The following ACSL3 variants were observed in gnomAD, a reference collection of about 807,000 sequenced individuals.
The protein encoded by ACSL3 is acyl-CoA synthetase long chain family member 3.
ACSL3 carries 34 observed loss-of-function variants against 84.7 expected under a neutral mutation model. The observed-to-expected ratio is 0.40, with a 90% CI of 0.31 to 0.53. ACSL3 has a LOEUF of 0.53. Ranked by LOEUF, ACSL3 falls within the 20% of genes least tolerant of loss-of-function variation. The pLI, the probability that ACSL3 is intolerant of heterozygous loss-of-function variation, is 0.48. For synonymous variants in ACSL3, 315 were observed against 299.4 expected (o/e 1.05, Z -0.54); for missense variants, 680 against 873.1 (o/e 0.78, Z 2.79).
chr2:222,888,926 G>C (rs962206472), intron 2 of ACSL3, among the ~76,000 whole-genome samples: 34 of 152,136 alleles, frequency 2.2e-4, no homozygotes, highest in Non-Finnish European at 4.7e-4. Flanking sequence ...GGATATACGT[G>C]ATCAAATTAA....
chr2:222,873,682 TATC>T (rs1239329785), intron 1 of ACSL3, among the ~76,000 whole-genome samples: 3 of 152,360 alleles, frequency 2.0e-5, no homozygotes, highest in Non-Finnish European at 4.4e-5. Context: ...TCATTTATCA[TATC>T]ATGAGCAATT....
At position 222,923,100 on chromosome 2, in the gene ACSL3, G is replaced by A. The variant is rs764633563; in HGVS notation, c.1103G>A (p.Ser368Asn). Reference sequence around the variant, plus strand: ...TAGTCTTCAAAAATTAAAAAAGGAAGCAAAGGGGATACATCCATGTTGAAA... The same window carrying A: ...TAGTCTTCAAAAATTAAAAAAGGAAACAAAGGGGATACATCCATGTTGAAA... The part of the protein sequence containing the change: ...ADQSSKIKKG[S>N]KGDTSMLKPT... Residue 368 changes from serine (S) to asparagine (N), a missense_variant, in exon 10 of 17, where the codon AGC becomes AAC. Physicochemically the swap from Ser to Asn is conservative, Grantham distance 46. Around this residue, in one of 2 missense-constraint regions of ACSL3, gnomAD observed 347 missense variants for 525.7 expected, o/e 0.66. Transcript: ENST00000357430. 3.3e-5 allele frequency: 54 copies of A among 1,613,658 alleles called. No homozygotes were observed. Among genetic ancestry groups the A allele is most frequent in the Non-Finnish European group, 4.4e-5 (52 of 1,179,808 alleles).
Position 222,934,653 on chromosome 2 carries a change from G to A in ACSL3, c.1971G>A (p.Glu657=). ...ELCNSCEMEN[E]VLKVLSEAAI... ...GTAACAGTTGTGAAATGGAAAATGAGGTACTTAAAGTGCTTTCCGAAGCTG... is the reference window on the plus strand; with the variant it reads ...GTAACAGTTGTGAAATGGAAAATGAAGTACTTAAAGTGCTTTCCGAAGCTG... Residue 657 remains glutamate, a synonymous_variant, in exon 16 of 17, where the codon GAG becomes GAA. Coordinates refer to ENST00000357430, the MANE Select transcript of ACSL3 (RefSeq NM_004457.5). The A allele has an allele frequency of 6.2e-7, 1 of 1,608,120 alleles. No individual in the cohort carries two copies. The highest frequency in any genetic ancestry group is 1.1e-5 in the South Asian group (1 of 88,480).
At chr2:222,870,138 C>CT (rs1022922324) in intron 1 of ACSL3, among the ~76,000 whole-genome samples, 16 of 146,508 alleles carry the variant, frequency 1.1e-4, no homozygotes, top group African/African-American at 3.3e-4. Flanking sequence ...TCCTTTCTTG[C>CT]TTTTGGGGGA....
chr2:222,937,941 A>G (rs1454295983), intron 16 of ACSL3, among the ~76,000 whole-genome samples: 3 of 151,162 alleles, frequency 2.0e-5, no homozygotes, highest in African/African-American at 7.3e-5. Flanking sequence ...CTTGTCTTTT[A>G]TCTTTGTGTA....
chr2:222,914,908 A>G (rs939445825), intron 4 of ACSL3, among the ~76,000 whole-genome samples: 1 of 152,218 alleles, frequency 6.6e-6, no homozygotes, highest in African/African-American at 2.4e-5. Flanking sequence ...ATTTCGTTTT[A>G]TATTTTATTT....
intron 1 of ACSL3, among the ~76,000 whole-genome samples, chr2:222,874,735 C>G (rs1302305214): frequency 6.6e-6 from 1 of 151,478 alleles, no homozygotes; most frequent in African/African-American, 2.4e-5. Flanking sequence ...TAATCTAGAC[C>G]TGATTTAAAT....
At position 222,879,619 on chromosome 2, in the gene ACSL3, A is replaced by G. The variant is rs373828161; in HGVS notation, c.-206-8211A>G. Among the ~76,000 whole-genome samples the G allele has an allele frequency of 1.1e-4, 17 of 152,196 alleles. 1 individual carries two copies. The East Asian group carries it at 1.5e-3, about 14-fold the overall frequency. Reference sequence around the variant, plus strand: ...TCTTAGCTGCTTCTGTCTCTCTCCAATTCCATACCCCATTCCAAGTTTTGG... The same window carrying G: ...TCTTAGCTGCTTCTGTCTCTCTCCAGTTCCATACCCCATTCCAAGTTTTGG... On this transcript the variant is annotated intron_variant, in intron 1 of 16. Transcript: ENST00000357430.
At chr2:222,916,988 C>T (rs775567781) in intron 5 of ACSL3, among the ~76,000 whole-genome samples, 1 of 152,072 alleles carries the variant, frequency 6.6e-6, no homozygotes, top group Admixed American at 6.5e-5. Flanking sequence ...TCAGAGGTCT[C>T]GGTGCCAAAA....
At chr2:222,882,715 A>G (rs937530391) in intron 1 of ACSL3, among the ~76,000 whole-genome samples, 1 of 149,800 alleles carries the variant, frequency 6.7e-6, no homozygotes, top group African/African-American at 2.5e-5. Flanking sequence ...CCTTACAGGA[A>G]GGGTGACCAT....
chr2:222,908,410 C>G (rs1696353042), intron 3 of ACSL3, among the ~76,000 whole-genome samples: 1 of 152,182 alleles, frequency 6.6e-6, no homozygotes, highest in African/African-American at 2.4e-5. Flanking sequence ...TGCTAAAGCA[C>G]AGGAAATGGG....
chr2:222,878,360 T>G (rs777951116), intron 1 of ACSL3, among the ~76,000 whole-genome samples: 108 of 152,334 alleles, frequency 7.1e-4, no homozygotes, highest in South Asian at 2.3e-3. Context: ...AATTATGTGA[T>G]TGTGAAGGCA....
chr2:222,921,169 T>G, intron 7 of ACSL3, 111 bp from the exon 8 acceptor site: 1 of 1,250,854 alleles, frequency 8.0e-7, no homozygotes, highest in African/African-American at 1.5e-5. Flanking sequence ...TTGAATTGAG[T>G]TAAATTAACT....
chr2:222,906,554 CTG>C (rs1206235366), intron 3 of ACSL3, among the ~76,000 whole-genome samples: 3 of 151,658 alleles, frequency 2.0e-5, no homozygotes, highest in Non-Finnish European at 4.4e-5. Flanking sequence ...CCCTGGTTCT[CTG>C]TGAAACTTCT....
At chr2:222,880,033 T>C (rs1695551107) in intron 1 of ACSL3, among the ~76,000 whole-genome samples, 1 of 152,224 alleles carries the variant, frequency 6.6e-6, no homozygotes, top group Non-Finnish European at 1.5e-5. Flanking sequence ...AATTTTTCTT[T>C]GATGCTGTGC....
At chr2:222,940,745 A>G (rs1474118791) in intron 16 of ACSL3, among the ~76,000 whole-genome samples, 1 of 152,226 alleles carries the variant, frequency 6.6e-6, no homozygotes, top group East Asian at 1.9e-4. Flanking sequence ...ATGTATATAT[A>G]GTAGGCTATA....
intron 3 of ACSL3, among the ~76,000 whole-genome samples, chr2:222,905,725 G>T (rs186569457): frequency 4.6e-4 from 70 of 152,294 alleles, no homozygotes; most frequent in African/African-American, 1.7e-3. Context: ...AAAGAAAATA[G>T]CCTGGAATGG....
intron 2 of ACSL3, among the ~76,000 whole-genome samples, chr2:222,894,966 C>G (rs795886): frequency 0.82 from 124,593 of 151,940 alleles, 51,321 homozygotes; most frequent in East Asian, 0.97. Context: ...CAAGTTTTAT[C>G]TTCAGACTAT....
At chr2:222,918,687 G>A (rs1223080594) in intron 6 of ACSL3, among the ~76,000 whole-genome samples, 3 of 146,856 alleles carry the variant, frequency 2.0e-5, no homozygotes, top group Admixed American at 1.3e-4. Context: ...TTTTGAACAA[G>A]TTTGCATGTG....
Sources: allele counts gnomAD v4.1 joint callset (sites outside exome capture counted in the v4.1 genomes callset), GRCh38; gene constraint gnomAD v4.1.1; regional missense constraint gnomAD v4.1.1; transcripts MANE v1.5; gene names NCBI Gene and HGNC (gene_info 2026-07-23, HGNC 2026-07-21).